Variants in RNF111 observed in about 807,000 individuals in gnomAD.
RNF111 encodes the protein ring finger protein 111.
Under a neutral mutation model 95.1 loss-of-function variants are expected in RNF111, and 17 were observed. The ratio of observed to expected loss-of-function variants is 0.18; its 90% CI spans 0.12 to 0.27. The LOEUF is 0.27. RNF111 is among the 10% of genes least tolerant of loss of function. The pLI, the probability that RNF111 is intolerant of heterozygous loss-of-function variation, is 1.00. For missense variants in RNF111, 1,189 were observed against 1,210.4 expected (o/e 0.98, Z 0.26); for synonymous variants, 440 against 414.8 (o/e 1.06, Z -0.74).
chr15:59,062,656 A>G (rs975332011), intron 5 of RNF111, among the ~76,000 whole-genome samples: 48 of 152,306 alleles, frequency 3.2e-4, no homozygotes, highest in African/African-American at 1.1e-3. Flanking sequence ...GGATTTGCCT[A>G]TAATAACTCT....
At chr15:59,091,430 T>C (rs1431008930) in intron 12 of RNF111, among the ~76,000 whole-genome samples, 1 of 152,202 alleles carries the variant, frequency 6.6e-6, no homozygotes, top group Non-Finnish European at 1.5e-5. Context: ...TATGTATATA[T>C]ATTTTTGTCT....
intron 1 of RNF111, among the ~76,000 whole-genome samples, chr15:58,990,932 G>A (rs1245346049): frequency 5.9e-5 from 9 of 152,058 alleles, no homozygotes; most frequent in Admixed American, 5.9e-4. Flanking sequence ...GGTAACAGCT[G>A]GCCCAGGTTT....
chr15:58,994,677 C>T (rs142855631), intron 1 of RNF111, among the ~76,000 whole-genome samples: 2 of 149,788 alleles, frequency 1.3e-5, no homozygotes, highest in African/African-American at 4.9e-5. Context: ...GAGGTTTCAC[C>T]CTCTTGGCCA....
intron 5 of RNF111, among the ~76,000 whole-genome samples, chr15:59,064,573 TG>T (rs1397241780): frequency 3.2e-4 from 49 of 151,650 alleles, no homozygotes; most frequent in Non-Finnish European, 6.6e-4. Context: ...TTGTCGACTT[TG>T]TTTTTTTGTT....
intron 12 of RNF111, among the ~76,000 whole-genome samples, chr15:59,091,601 C>T (rs973856964): frequency 1.4e-4 from 21 of 152,078 alleles, no homozygotes; most frequent in East Asian, 5.8e-4. Flanking sequence ...TTTATTTTGA[C>T]GGACATTTTA....
rs1246711729 is a variant in RNF111, at chr15:59,072,891, A to AC, written c.1687-3063_1687-3062insC. Among the ~76,000 whole-genome samples the AC allele has an allele frequency of 2.6e-5, 4 of 151,600 alleles. No homozygotes were observed. In the East Asian group the frequency reaches 5.8e-4, roughly 22 times the overall value. On this transcript the variant is annotated intron_variant, in intron 6 of 13. Coordinates refer to ENST00000348370, the MANE Select transcript of RNF111 (RefSeq NM_017610.8). The stretch of plus-strand genomic sequence containing the variant: ...TGCAATTTTTTTATTAAAAAAAAAA[A>AC]AACAAAACACTTCCAGCTGGGCATG...
chr15:59,069,161 T>C lies in RNF111; in HGVS notation c.1686+2078T>C, dbSNP rs550451711. ...GGAAGTTTGAATTGAGTAGAAAATA[T>C]AATTAAAGAGATTTTAGATGTCATT... On this transcript the variant is annotated intron_variant, in intron 6 of 13. Coordinates refer to ENST00000348370, the MANE Select transcript of RNF111 (RefSeq NM_017610.8). 3.6e-4 allele frequency among the ~76,000 whole-genome samples: 55 copies of C among 151,518 alleles called. No homozygotes were observed. In the South Asian group the frequency reaches 0.011, roughly 30 times the overall value.
chr15:59,036,059 A>G (rs1479274423), intron 2 of RNF111, among the ~76,000 whole-genome samples: 1 of 152,056 alleles, frequency 6.6e-6, no homozygotes, highest in Non-Finnish European at 1.5e-5. Flanking sequence ...AGACTGGGTA[A>G]TTTATTCTAT....
chr15:59,064,672 T>C (rs575133743), intron 5 of RNF111, among the ~76,000 whole-genome samples: 10 of 152,136 alleles, frequency 6.6e-5, no homozygotes, highest in Non-Finnish European at 1.2e-4. Flanking sequence ...CACAGACGCG[T>C]GAATTCTAGT....
intron 6 of RNF111, among the ~76,000 whole-genome samples, chr15:59,068,802 C>T (rs1373449619): frequency 2.0e-5 from 3 of 152,070 alleles, no homozygotes; most frequent in Admixed American, 6.6e-5. Flanking sequence ...AAGGGCTGGG[C>T]GCGGTGGCTC....
chr15:59,074,438 C>G (rs946970404), intron 6 of RNF111, among the ~76,000 whole-genome samples: 3 of 152,218 alleles, frequency 2.0e-5, no homozygotes, highest in Non-Finnish European at 4.4e-5. Context: ...CTTACTGTAG[C>G]TTCTACATCA....
intron 6 of RNF111, among the ~76,000 whole-genome samples, chr15:59,073,108 G>A (rs1258983690): frequency 6.6e-6 from 1 of 152,130 alleles, no homozygotes; most frequent in African/African-American, 2.4e-5. Context: ...GGTAGGTGGA[G>A]GCTGCAGTGA....
At chr15:59,068,765 G>A (rs2042779521) in intron 6 of RNF111, among the ~76,000 whole-genome samples, 1 of 151,914 alleles carries the variant, frequency 6.6e-6, no homozygotes, top group African/African-American at 2.4e-5. Flanking sequence ...TATGTCTTCT[G>A]GGTCTGACAG....
chr15:59,050,690 C>T (rs2041938802), intron 2 of RNF111, among the ~76,000 whole-genome samples: 2 of 152,080 alleles, frequency 1.3e-5, no homozygotes, highest in African/African-American at 4.8e-5. Context: ...CCTGTAAAAC[C>T]ATCATTACAA....
chr15:59,031,514 G>T lies in RNF111; in HGVS notation c.692G>T (p.Arg231Met), dbSNP rs145882076. ...CAGAGGACACAGAAACAAAAAGAGA[G>T]GATATTAATGCAGAGGAAGAAACGA... ...SSQRTQKQKERILMQRKKREV... is the reference protein window; with the variant it reads ...SSQRTQKQKEMILMQRKKREV... The change falls in exon 2 of 14, where the codon AGG (arginine) becomes ATG (methionine). Residue 231 changes from arginine (R) to methionine (M), a missense_variant. By Grantham distance (91) the Arg-to-Met change is moderately conservative. Around this residue, in one of 2 missense-constraint regions of RNF111, gnomAD observed 1,024 missense variants for 925.9 expected, o/e 1.11. Coordinates refer to ENST00000348370, the MANE Select transcript of RNF111 (RefSeq NM_017610.8). 7 of 1,614,174 alleles carry T rather than the reference G, an allele frequency of 4.3e-6. No individual in the cohort carries two copies. The highest frequency in any genetic ancestry group is 5.9e-6 in the Non-Finnish European group (7 of 1,180,028).
rs117036951 is a variant in RNF111, at chr15:59,037,129, C to T, written c.880+5427C>T. 3.6e-4 allele frequency among the ~76,000 whole-genome samples: 55 copies of T among 152,108 alleles called. No individual in the cohort carries two copies. In the East Asian group the frequency reaches 8.7e-3, roughly 24 times the overall value. ...TGGATTACAGGTGTGAGCCACTGCACGTAACCAGTGTATTTGTTATAATCA... is the reference window on the plus strand; with the variant it reads ...TGGATTACAGGTGTGAGCCACTGCATGTAACCAGTGTATTTGTTATAATCA... On this transcript the variant is annotated intron_variant, in intron 2 of 13. Coordinates refer to ENST00000348370, the MANE Select transcript of RNF111 (RefSeq NM_017610.8).
intron 1 of RNF111, among the ~76,000 whole-genome samples, chr15:59,007,162 A>T (rs2039578304): frequency 6.6e-6 from 1 of 152,192 alleles, no homozygotes. Flanking sequence ...TTATTGCCCA[A>T]ATCCTTATGA....
chr15:58,991,298 A>G (rs534331220), intron 1 of RNF111, among the ~76,000 whole-genome samples: 1 of 152,140 alleles, frequency 6.6e-6, no homozygotes, highest in Non-Finnish European at 1.5e-5. Flanking sequence ...TTGAAAAAAA[A>G]CAAAACAACA....
intron 1 of RNF111, among the ~76,000 whole-genome samples, chr15:59,029,923 G>A (rs2040822890): frequency 6.6e-6 from 1 of 152,056 alleles, no homozygotes. Context: ...TTCATGTTTT[G>A]CACTAGTAAA....
Sources: allele counts gnomAD v4.1 joint callset (sites outside exome capture counted in the v4.1 genomes callset), GRCh38; gene constraint gnomAD v4.1.1; regional missense constraint gnomAD v4.1.1; transcripts MANE v1.5; gene names NCBI Gene and HGNC (gene_info 2026-07-23, HGNC 2026-07-21).